AVEN: variants seen among roughly 807,000 people sequenced by gnomAD.
The protein encoded by AVEN is apoptosis and caspase activation inhibitor, also known as cell death regulator Aven.
Under a neutral mutation model 38.1 loss-of-function variants are expected in AVEN, and 41 were observed. That is an observed-to-expected ratio of 1.08 (90% CI 0.84 to 1.40). The LOEUF is 1.40. Among genes scored for constraint, AVEN ranks in the 40% most tolerant of loss-of-function variants. The pLI is 0.00. For synonymous variants in AVEN, 206 were observed against 171.8 expected (o/e 1.20, Z -1.56); for missense variants, 605 against 438.8 (o/e 1.38, Z -3.38).
chr15:33,970,509 G>A (rs1895588543), intron 2 of AVEN, among the ~76,000 whole-genome samples: 1 of 151,846 alleles, frequency 6.6e-6, no homozygotes, highest in South Asian at 2.1e-4. Context: ...GGGTGGTATT[G>A]TTGTTGTTTA....
intron 2 of AVEN, among the ~76,000 whole-genome samples, chr15:33,890,068 T>C (rs891361918): frequency 1.3e-4 from 20 of 152,392 alleles, no homozygotes; most frequent in Non-Finnish European, 1.5e-5. Context: ...TCTCTGGAGA[T>C]GTTTGTGCAT....
At chr15:33,864,701 A>C (rs1415155695), downstream of AVEN, 22 of 179,344 alleles carry the variant, frequency 1.2e-4, no homozygotes, top group Non-Finnish European at 1.1e-4. Flanking sequence ...AAATATTCAA[A>C]CATCATTGGC....
At chr15:33,857,071 T>C (rs1192068877), downstream of AVEN, among the ~76,000 whole-genome samples, 1 of 152,216 alleles carries the variant, frequency 6.6e-6, no homozygotes, top group Non-Finnish European at 1.5e-5. Context: ...TCACAGCACC[T>C]GCACTATTCA....
chr15:34,072,605 C>A (rs199941370), intron 1 of AVEN, among the ~76,000 whole-genome samples: 6 of 146,084 alleles, frequency 4.1e-5, no homozygotes, highest in South Asian at 2.2e-4. Flanking sequence ...GATTCTGTAT[C>A]AAAAAAAAAA....
chr15:33,881,389 G>A lies in AVEN; in HGVS notation c.446-5394C>T, dbSNP rs148601418. ...TATGAGACACTGCATGTGGCCTAGA[G>A]GCTACTTTTATTATTATGTTTTAGA... On this transcript the variant is annotated intron_variant, in intron 2 of 5. Transcript: ENST00000306730. 3.2e-3 allele frequency among the ~76,000 whole-genome samples: 480 copies of A among 149,298 alleles called. 5 individuals carry two copies. The highest frequency in any genetic ancestry group is 0.011 in the African/African-American group (465 of 40,474).
chr15:33,986,550 T>TA (rs1896479521), intron 2 of AVEN, among the ~76,000 whole-genome samples: 1 of 152,156 alleles, frequency 6.6e-6, no homozygotes, highest in Non-Finnish European at 1.5e-5. Flanking sequence ...TTCTGAAACT[T>TA]AATGATTTTT....
chr15:34,016,584 T>C (rs1229293642), intron 1 of AVEN, among the ~76,000 whole-genome samples: 3 of 152,192 alleles, frequency 2.0e-5, no homozygotes, highest in Non-Finnish European at 4.4e-5. Context: ...CTTTAAAAAA[T>C]ATTACCAACA....
chr15:33,863,431 G>GAAGGA (rs139760967), downstream of AVEN, among the ~76,000 whole-genome samples: 988 of 152,248 alleles, frequency 6.5e-3, 9 homozygotes, highest in African/African-American at 0.023. Flanking sequence ...TCCACCCTCA[G>GAAGGA]AAGGACATAA....
chr15:33,986,831 G>T (rs936063732), intron 2 of AVEN, among the ~76,000 whole-genome samples: 1 of 151,930 alleles, frequency 6.6e-6, no homozygotes, highest in African/African-American at 2.4e-5. Context: ...TAATTGTTTT[G>T]TATTTTTAGT....
At chr15:33,960,574 A>AG (rs1425260676) in intron 2 of AVEN, among the ~76,000 whole-genome samples, 2 of 152,320 alleles carry the variant, frequency 1.3e-5, no homozygotes, top group African/African-American at 4.8e-5. Context: ...ATTAAAAAAA[A>AG]GAACTTCTTA....
At chr15:33,917,916 T>A (rs747177905) in intron 2 of AVEN, among the ~76,000 whole-genome samples, 1 of 152,122 alleles carries the variant, frequency 6.6e-6, no homozygotes, top group African/African-American at 2.4e-5. Flanking sequence ...GAAGAACTTA[T>A]TCATGTAAGC....
chr15:33,869,961 A>C (rs528940252), intron 4 of AVEN, among the ~76,000 whole-genome samples: 38 of 151,922 alleles, frequency 2.5e-4, no homozygotes, highest in African/African-American at 9.2e-4. Context: ...CCCTTGATGT[A>C]GAACTATAAA....
chr15:33,923,215 AAG>A, intron 2 of AVEN, among the ~76,000 whole-genome samples: 1 of 152,326 alleles, frequency 6.6e-6, no homozygotes, highest in South Asian at 2.1e-4. Flanking sequence ...AGGTAGAAAA[AAG>A]AACTAGTAAT....
At chr15:34,044,693 G>C (rs1412931332) in intron 5 of AVEN, among the ~76,000 whole-genome samples, 5 of 151,874 alleles carry the variant, frequency 3.3e-5, no homozygotes. Flanking sequence ...CAGTGTATGC[G>C]TTAAATGGGT....
Position 34,003,174 on chromosome 15 carries a change from T to C in AVEN, c.303A>G (p.Glu101=), listed in dbSNP as rs1259951154. The C allele has an allele frequency of 6.2e-6, 10 of 1,613,826 alleles. No homozygotes were observed. In the South Asian group the frequency reaches 9.9e-5, roughly 16 times the overall value. ...EDDSDAETYG[E]ENDEQGNYSK... is the part of the protein sequence containing the mutation. ...AATAATTTCCCTGTTCATCATTCTC[T>C]TCTCCATAGGTCTCTGCATCGCTGT... Residue 101 remains glutamate, a synonymous_variant, in exon 2 of 6, where the codon GAA becomes GAG. Coordinates refer to ENST00000306730, the MANE Select transcript of AVEN (RefSeq NM_020371.3).
intron 2 of AVEN, among the ~76,000 whole-genome samples, chr15:33,943,139 CTT>C (rs1894378274): frequency 6.6e-6 from 1 of 152,172 alleles, no homozygotes; most frequent in Admixed American, 6.5e-5. Context: ...GAAGCAGGAT[CTT>C]GAAGAGGTAT....
chr15:33,972,500 G>C (rs1052200899), intron 2 of AVEN: 1 of 36,244 alleles, frequency 2.8e-5, no homozygotes, highest in African/African-American at 7.8e-5. Context: ...GCATGGATTT[G>C]TTAAAAAACA....
intron 1 of AVEN, among the ~76,000 whole-genome samples, chr15:34,008,090 G>GA (rs766021495): frequency 6.6e-6 from 1 of 152,020 alleles, no homozygotes; most frequent in African/African-American, 2.4e-5. Context: ...ATTCTTGGAA[G>GA]AAAAAATCAC....
intron 2 of AVEN, among the ~76,000 whole-genome samples, chr15:33,955,443 C>A (rs1894918329): frequency 1.3e-5 from 2 of 152,160 alleles, no homozygotes; most frequent in Non-Finnish European, 2.9e-5. Context: ...CAGGCATAAT[C>A]CACAACGTAC....
Sources: allele counts gnomAD v4.1 joint callset (sites outside exome capture counted in the v4.1 genomes callset), GRCh38; gene constraint gnomAD v4.1.1; transcripts MANE v1.5; gene names NCBI Gene and HGNC (gene_info 2026-07-23, HGNC 2026-07-21).